Variants in LGR6 observed in about 807,000 individuals in gnomAD.
The protein encoded by LGR6 is leucine rich repeat containing G protein-coupled receptor 6.
A neutral mutation model predicts 69.4 loss-of-function variants in LGR6; 45 were observed. The observed-to-expected ratio is 0.65, with a 90% CI of 0.51 to 0.83. The LOEUF (loss-of-function observed/expected upper bound fraction) is 0.83. LGR6 is among the 40% of genes least tolerant of loss of function. LGR6 has a pLI of 0.00. For synonymous variants in LGR6, 538 were observed against 555.0 expected, an observed-to-expected ratio of 0.97 and a Z score of 0.43; for missense variants, 1,108 against 1,246.7, an observed-to-expected ratio of 0.89 and a Z score of 1.68.
At chr1:202,207,287 G>T (rs568714869) in intron 1 of LGR6, among the ~76,000 whole-genome samples, 2 of 152,138 alleles carry the variant, frequency 1.3e-5, no homozygotes, top group African/African-American at 4.8e-5. Context: ...GAGAGGAAGG[G>T]GTCTCCCTCT....
chr1:202,214,133 A>G, intron 1 of LGR6: 2 of 1,475,924 alleles, frequency 1.4e-6, no homozygotes, highest in Non-Finnish European at 1.8e-6. Flanking sequence ...CAGAACTGGC[A>G]CTCGAGGTCC....
chr1:202,301,280 T>C, intron 9 of LGR6, 45 bp downstream of exon 9: 1 of 1,497,988 alleles, frequency 6.7e-7, no homozygotes, highest in South Asian at 1.1e-5. Context: ...CTTCCCCCTT[T>C]CCTCACTCCT....
intron 5 of LGR6, among the ~76,000 whole-genome samples, chr1:202,278,063 G>A (rs1665722623): frequency 6.6e-6 from 1 of 152,270 alleles, no homozygotes; most frequent in South Asian, 2.1e-4. Flanking sequence ...TCAGAACAGA[G>A]AGCTTGGCTT....
Position 202,309,181 on chromosome 1 carries a change from G to A in LGR6, c.1406+5G>A, listed in dbSNP as rs1445929080. On this transcript the variant is annotated splice_donor_5th_base_variant and intron_variant, in intron 15 of 17. Coordinates refer to ENST00000367278, the MANE Select transcript of LGR6 (RefSeq NM_001017403.2). ...GGACAGTTTCCCAAAACTGAGGTGA[G>A]GGACTGGCTTTCCCCAACACCTGGG... 2 of 1,613,842 alleles carry A rather than the reference G, an allele frequency of 1.2e-6. No individual in the cohort carries two copies. Among genetic ancestry groups the A allele is most frequent in the South Asian group, 2.2e-5 (2 of 91,040 alleles).
At position 202,297,568 on chromosome 1, in the gene LGR6, G is replaced by T; in HGVS notation, c.777G>T (p.Leu259=). The T allele has an allele frequency of 6.2e-7, 1 of 1,613,570 alleles. No homozygotes were observed. The highest frequency in any genetic ancestry group is 8.5e-7 in the Non-Finnish European group (1 of 1,179,720). ...FPVAIRTLGR[L]QELGFHNNNI... is the part of the protein sequence containing the mutation. ...TGGCCATCCGGACCCTGGGCAGACT[G>T]CAGGAACTGTAAGCGCCTCTTTTGG... Residue 259 remains leucine (L), a synonymous_variant, in exon 7 of 18, where the codon CTG becomes CTT. Transcript: ENST00000367278.
chr1:202,264,490 G>C (rs1413341080), intron 4 of LGR6, among the ~76,000 whole-genome samples: 4 of 152,222 alleles, frequency 2.6e-5, no homozygotes. Context: ...CAGGCCTCAA[G>C]CAACCACAGG....
At chr1:202,262,102 G>T (rs1158295466) in intron 4 of LGR6, among the ~76,000 whole-genome samples, 1 of 152,078 alleles carries the variant, frequency 6.6e-6, no homozygotes, top group Non-Finnish European at 1.5e-5. Flanking sequence ...GATCCCGTTT[G>T]TCAATTTTGG....
rs1558038880 is a variant in LGR6 at position 202,254,066 on chromosome 1, A to G, written c.428+18073A>G. Reference sequence around the variant, plus strand: ...GTGATCCGCCCGCCTCGGCCTCCCAAAGTGCTGGGATTACAGGCGTGAGCC... The same window carrying G: ...GTGATCCGCCCGCCTCGGCCTCCCAGAGTGCTGGGATTACAGGCGTGAGCC... On this transcript the variant is annotated intron_variant, in intron 4 of 17. Coordinates refer to ENST00000367278, the MANE Select transcript of LGR6 (RefSeq NM_001017403.2). Among the ~76,000 whole-genome samples the G allele has an allele frequency of 1.3e-5, 2 of 150,888 alleles. 1 individual carries two copies. Among genetic ancestry groups the G allele is most frequent in the East Asian group, 3.9e-4 (2 of 5,144 alleles).
intron 11 of LGR6, among the ~76,000 whole-genome samples, chr1:202,305,373 C>T (rs143566958): frequency 7.2e-5 from 11 of 152,188 alleles, no homozygotes; most frequent in African/African-American, 1.7e-4. Context: ...AATGTGTTCT[C>T]TGCTGGCTGG....
chr1:202,286,895 G>T (rs1340978251), intron 6 of LGR6, among the ~76,000 whole-genome samples: 3 of 152,124 alleles, frequency 2.0e-5, no homozygotes, highest in Non-Finnish European at 2.9e-5. Flanking sequence ...GGTGTGGGGG[G>T]TAGCCAAGGT....
intron 4 of LGR6, among the ~76,000 whole-genome samples, chr1:202,257,938 A>G (rs1333790245): frequency 2.0e-5 from 3 of 152,124 alleles, no homozygotes; most frequent in African/African-American, 7.2e-5. Context: ...CTTCCAATCC[A>G]TGAATATGGG....
At chr1:202,250,017 C>T (rs1423726205) in intron 4 of LGR6, among the ~76,000 whole-genome samples, 2 of 152,270 alleles carry the variant, frequency 1.3e-5, no homozygotes, top group African/African-American at 2.4e-5. Flanking sequence ...CACAACCTGG[C>T]TCCTGCCCAT....
chr1:202,268,370 C>T lies in LGR6; in HGVS notation c.429-7936C>T, dbSNP rs550573736. On this transcript the variant is annotated intron_variant, in intron 4 of 17. Coordinates refer to ENST00000367278, the MANE Select transcript of LGR6 (RefSeq NM_001017403.2). This position sits in a 1 kb window ranked among gnomAD's most constrained non-coding sequence, Gnocchi z 4.4. ...ATCCTTGCCTTCCCAGGCAGGCTCT[C>T]GGTCAGGGCCGTTGGTCCCTCCAGG... Among the ~76,000 whole-genome samples, 4 of 152,328 alleles carry T rather than the reference C, an allele frequency of 2.6e-5. No homozygotes were observed. Among genetic ancestry groups the T allele is most frequent in the African/African-American group, 7.2e-5 (3 of 41,586 alleles).
intron 4 of LGR6, among the ~76,000 whole-genome samples, chr1:202,257,180 T>A (rs149802974): frequency 0.078 from 11,794 of 151,840 alleles, 558 homozygotes; most frequent in Middle Eastern, 0.14. Flanking sequence ...ACTTTCTTTA[T>A]CATATCCTTT....
At chr1:202,277,890 A>C (rs778855123) in intron 5 of LGR6, among the ~76,000 whole-genome samples, 2 of 151,702 alleles carry the variant, frequency 1.3e-5, no homozygotes, top group Non-Finnish European at 2.9e-5. Context: ...AAGATGATGA[A>C]ATGAAGAGAA....
At chr1:202,306,837 C>T (rs756679994) in intron 12 of LGR6, 31 bp from the exon 13 acceptor site, 1 of 1,607,430 alleles carries the variant, frequency 6.2e-7, no homozygotes, top group Non-Finnish European at 8.5e-7. Context: ...TCTGAGCCTG[C>T]CGGCTCATCC....
chr1:202,234,051 A>G (rs1661313165), intron 3 of LGR6, among the ~76,000 whole-genome samples: 1 of 152,234 alleles, frequency 6.6e-6, no homozygotes, highest in Non-Finnish European at 1.5e-5. Flanking sequence ...AAACTCTGTA[A>G]CTGGAAAGGC....
At chr1:202,230,764 G>C (rs1400956577) in intron 3 of LGR6, among the ~76,000 whole-genome samples, 3 of 152,158 alleles carry the variant, frequency 2.0e-5, no homozygotes, top group African/African-American at 7.2e-5. Context: ...CCTGAGGCTT[G>C]GTCATCTTCT....
At chr1:202,223,100 GA>G (rs35555386) in intron 1 of LGR6, among the ~76,000 whole-genome samples, 113,907 of 151,648 alleles carry the variant, frequency 0.75, 44,183 homozygotes, top group East Asian at 0.94. Flanking sequence ...AAACTCTGGG[GA>G]AAAAAAAATC....
Sources: allele counts gnomAD v4.1 joint callset (sites outside exome capture counted in the v4.1 genomes callset), GRCh38; gene constraint gnomAD v4.1.1; non-coding constraint Gnocchi (gnomAD v3.1); transcripts MANE v1.5; gene names NCBI Gene and HGNC (gene_info 2026-07-23, HGNC 2026-07-21).